Variants in MAT1A observed in about 807,000 individuals in gnomAD.
The protein encoded by MAT1A is methionine adenosyltransferase 1A, also known as S-adenosylmethionine synthase isoform type-1.
A neutral mutation model predicts 44.0 loss-of-function variants in MAT1A; 19 were observed. The ratio of observed to expected loss-of-function variants is 0.43; its 90% CI spans 0.30 to 0.63. The LOEUF is 0.63. Ranked by LOEUF, MAT1A falls within the 30% of genes least tolerant of loss-of-function variation. The probability of loss-of-function intolerance (pLI) is 0.12; values close to 1 mark genes in which losing one functional copy is unlikely to be tolerated. For missense variants in MAT1A, 397 were observed against 531.0 expected, an observed-to-expected ratio of 0.75 and a Z score of 2.48; for synonymous variants, 205 against 205.6, an observed-to-expected ratio of 1.00 and a Z score of 0.03.
Position 80,275,053 on chromosome 10 carries a change from C to T in MAT1A, c.915G>A (p.Leu305=), listed in dbSNP as rs773048187. The change falls in exon 7 of 9, where the codon CTG becomes CTA. Residue 305 remains leucine, a synonymous_variant. Transcript: ENST00000372213. The part of the protein sequence containing the change: ...AYAARWVAKS[L]VKAGLCRRVL... ...CTCTCCGGCAGAGCCCTGCTTTCAC[C>T]AGAGACTTGGCCACCCAGCGGGCAG... 5 of 1,564,448 alleles carry T rather than the reference C, an allele frequency of 3.2e-6. No homozygotes were observed. In the South Asian group the frequency reaches 5.9e-5, roughly 18 times the overall value.
intron 1 of MAT1A, among the ~76,000 whole-genome samples, chr10:80,287,135 A>G (rs1190052264): frequency 2.6e-5 from 4 of 152,216 alleles, no homozygotes; most frequent in Non-Finnish European, 4.4e-5. Flanking sequence ...CTGATCATTG[A>G]TTGTGAATGT....
chr10:80,281,886 C>T (rs983862310), intron 3 of MAT1A, among the ~76,000 whole-genome samples: 3 of 152,162 alleles, frequency 2.0e-5, no homozygotes, highest in Non-Finnish European at 2.9e-5. Context: ...CTGCCTAGAA[C>T]GTTCTACCTC....
chr10:80,289,361 T>C lies in MAT1A; in HGVS notation c.63A>G (p.Thr21=), dbSNP rs746984826. ...GGTGTCCCTCTCCCACAGACTCCGA[T>C]GTGAACATGAAGACTCCTTCACTTA... ...HSLSEGVFMF[T]SESVGEGHPD... The change falls in exon 1 of 9, where the codon ACA becomes ACG. Residue 21 remains threonine, a synonymous_variant. Coordinates refer to ENST00000372213, the MANE Select transcript of MAT1A (RefSeq NM_000429.3). 1.2e-6 allele frequency: 2 copies of C among 1,614,200 alleles called. No homozygotes were observed. The highest frequency in any genetic ancestry group is 8.5e-7 in the Non-Finnish European group (1 of 1,180,038).
At chr10:80,277,392 A>T (rs1841504624) in intron 5 of MAT1A, among the ~76,000 whole-genome samples, 1 of 152,182 alleles carries the variant, frequency 6.6e-6, no homozygotes, top group South Asian at 2.1e-4. Flanking sequence ...CAAACCCTGG[A>T]TCTGTATCAA....
At chr10:80,282,681 T>A (rs1032645393) in intron 3 of MAT1A, among the ~76,000 whole-genome samples, 1 of 152,194 alleles carries the variant, frequency 6.6e-6, no homozygotes, top group Non-Finnish European at 1.5e-5. Flanking sequence ...CTCTTCCCAC[T>A]GAGTCTCAAA....
In MAT1A at chr10:80,280,168, C is replaced by T. The variant is rs1411140357; in HGVS notation, c.549+5G>A. ...GGGCTCTCCTGGGGTAATTCAGCTG[C>T]TCACCTGAGTCTTAGAGTCAGGCCG... On this transcript the variant is annotated splice_donor_5th_base_variant and intron_variant, in intron 5 of 8. Transcript: ENST00000372213. The T allele has an allele frequency of 1.2e-6, 2 of 1,614,064 alleles. No individual in the cohort carries two copies. Among genetic ancestry groups the T allele is most frequent in the Non-Finnish European group, 1.7e-6 (2 of 1,180,012 alleles).
intron 5 of MAT1A, among the ~76,000 whole-genome samples, chr10:80,277,776 A>C (rs1349267696): frequency 1.3e-5 from 2 of 152,214 alleles, no homozygotes; most frequent in Non-Finnish European, 2.9e-5. Flanking sequence ...ACTGCAGAAT[A>C]GGGCAGCAGA....
In MAT1A at chr10:80,276,435, C is replaced by T; in HGVS notation, c.709G>A (p.Asp237Asn). 2 of 1,614,194 alleles carry T rather than the reference C, an allele frequency of 1.2e-6. No homozygotes were observed. Among genetic ancestry groups the T allele is most frequent in the Non-Finnish European group, 1.7e-6 (2 of 1,180,052 alleles). The change falls in exon 6 of 9, where the codon GAC (aspartate) becomes AAC (asparagine). Residue 237 changes from aspartate (D) to asparagine (N), a missense_variant. Transcript: ENST00000372213. ...IRAVVPAKYL[D>N]EDTVYHLQPS... ...TGCAGGTGGTAGACGGTGTCTTCGTCCAGGTACTTGGCCGGCACCACGGCC... is the reference window on the plus strand; with the variant it reads ...TGCAGGTGGTAGACGGTGTCTTCGTTCAGGTACTTGGCCGGCACCACGGCC...
At chr10:80,275,982 C>T (rs766158694) in intron 6 of MAT1A, among the ~76,000 whole-genome samples, 4 of 152,180 alleles carry the variant, frequency 2.6e-5, no homozygotes, top group African/African-American at 2.4e-5. Flanking sequence ...CCAGAGGCAG[C>T]CTGTGGTGAA....
intron 6 of MAT1A, 163 bp from the exon 7 acceptor site, chr10:80,275,362 C>T: frequency 1.5e-6 from 1 of 672,372 alleles, no homozygotes; most frequent in South Asian, 1.7e-5. Context: ...CTGGACTCCA[C>T]TCCCAGCTCA....
rs576399145 is a variant in MAT1A, at chr10:80,273,485, G to A, written c.*296C>T. On this transcript the variant is annotated 3_prime_UTR_variant, in exon 9 of 9. Coordinates refer to ENST00000372213, the MANE Select transcript of MAT1A (RefSeq NM_000429.3). ...AGGGTCCAGCTGTTGGGGGAGACGA[G>A]TGAGGGAATTCACTCTTGACGGGGG... is the stretch of plus-strand genomic sequence containing the variant. The A allele has an allele frequency of 5.8e-4, 234 of 401,662 alleles. 2 individuals carry two copies. The highest frequency in any genetic ancestry group is 5.0e-3 in the South Asian group (233 of 46,976). The allele number at this position is 401,662 out of a possible 1,614,324, so 24.9% of individuals were successfully genotyped here. A position where few individuals can be genotyped will look rare whatever the true frequency, so the allele number is the denominator to read the frequency against.
chr10:80,279,715 T>C (rs1371226392), intron 5 of MAT1A, among the ~76,000 whole-genome samples: 1 of 127,732 alleles, frequency 7.8e-6, no homozygotes, highest in Admixed American at 8.0e-5. Flanking sequence ...GAAACAAAGA[T>C]GAGAAAAAGG....
chr10:80,276,672 C>T, intron 5 of MAT1A, 78 bp from the exon 6 acceptor site: 2 of 1,460,018 alleles, frequency 1.4e-6, no homozygotes, highest in South Asian at 1.1e-5. Flanking sequence ...ACACAGGCAC[C>T]CAGGAGGTGG....
At chr10:80,289,095 G>T (rs545469285) in intron 1 of MAT1A, among the ~76,000 whole-genome samples, 4 of 152,352 alleles carry the variant, frequency 2.6e-5, no homozygotes, top group Admixed American at 6.5e-5. Flanking sequence ...TGACTGAAGG[G>T]CTAGAAGAGG....
At chr10:80,274,954 C>T in intron 7 of MAT1A, 63 bp downstream of exon 7, 1 of 1,530,272 alleles carries the variant, frequency 6.5e-7, no homozygotes, top group East Asian at 2.4e-5. Context: ...TCCCCTCACT[C>T]AGGGCAGAAC....
At chr10:80,287,377 G>A (rs574206933) in intron 1 of MAT1A, among the ~76,000 whole-genome samples, 2 of 152,300 alleles carry the variant, frequency 1.3e-5, no homozygotes, top group South Asian at 4.1e-4. Context: ...GAAAACCAGA[G>A]AAGAAAACCT....
chr10:80,281,003 C>G (rs1841559389), intron 3 of MAT1A, among the ~76,000 whole-genome samples: 1 of 152,150 alleles, frequency 6.6e-6, no homozygotes, highest in Non-Finnish European at 1.5e-5. Flanking sequence ...CTTTGGCCAA[C>G]CAAAATTCTC....
rs1841626081 is a variant in MAT1A at position 80,285,112 on chromosome 10, A to C, written c.169+400T>G. Among the ~76,000 whole-genome samples the C allele has an allele frequency of 2.6e-5, 4 of 152,196 alleles. No homozygotes were observed. In the South Asian group the frequency reaches 8.3e-4, roughly 32 times the overall value. The stretch of plus-strand genomic sequence containing the variant: ...TGTGCAGCCAACAAAGGCTCCTACA[A>C]TGAGGATGCAGCTTATAACCATCTA... On this transcript the variant is annotated intron_variant, in intron 2 of 8. Transcript: ENST00000372213.
rs1841442005 is a variant in MAT1A at position 80,273,759 on chromosome 10, C to A, written c.*22G>T. On this transcript the variant is annotated 3_prime_UTR_variant, in exon 9 of 9. Transcript: ENST00000372213. ...GCCACCAGGTGCCTCCAGGGTGAGA[C>A]CAGGCCCAGCTCCCCCTGGCTCTAA... 2 of 1,564,046 alleles carry A rather than the reference C, an allele frequency of 1.3e-6. No homozygotes were observed. The highest frequency in any genetic ancestry group is 1.8e-6 in the Non-Finnish European group (2 of 1,136,024).
Sources: allele counts gnomAD v4.1 joint callset (sites outside exome capture counted in the v4.1 genomes callset), GRCh38; gene constraint gnomAD v4.1.1; transcripts MANE v1.5; gene names NCBI Gene and HGNC (gene_info 2026-07-23, HGNC 2026-07-21).